The following CTDSPL2 variants were observed in gnomAD, a reference collection of about 807,000 sequenced individuals.
The protein encoded by CTDSPL2 is CTD small phosphatase like 2, also known as CTD small phosphatase-like protein 2.
CTDSPL2 carries 5 observed loss-of-function variants against 60.0 expected under a neutral mutation model. That is an observed-to-expected ratio of 0.08 (90% CI 0.04 to 0.18). The LOEUF (loss-of-function observed/expected upper bound fraction) is 0.18. Among genes scored for constraint, CTDSPL2 ranks in the 10% least tolerant of loss-of-function variants. The probability of loss-of-function intolerance (pLI) is 1.00; values close to 1 mark genes in which losing one functional copy is unlikely to be tolerated. For synonymous variants in CTDSPL2, 186 were observed against 189.3 expected, an observed-to-expected ratio of 0.98 and a Z score of 0.14; for missense variants, 370 against 548.8, an observed-to-expected ratio of 0.67 and a Z score of 3.26.
At chr15:44,492,055 G>A (rs2081224301) in intron 5 of CTDSPL2, among the ~76,000 whole-genome samples, 1 of 151,858 alleles carries the variant, frequency 6.6e-6, no homozygotes, top group Non-Finnish European at 1.5e-5. Context: ...TTTTAGTAGA[G>A]ACCAGGTTTC....
At chr15:44,475,854 C>A (rs1265312287) in intron 2 of CTDSPL2, among the ~76,000 whole-genome samples, 1 of 152,044 alleles carries the variant, frequency 6.6e-6, no homozygotes, top group Non-Finnish European at 1.5e-5. Context: ...AGTAAGACAA[C>A]CTTATGCAGC....
chr15:44,464,417 A>G (rs1005991160), intron 2 of CTDSPL2, among the ~76,000 whole-genome samples: 1 of 152,180 alleles, frequency 6.6e-6, no homozygotes, highest in Non-Finnish European at 1.5e-5. Context: ...ACTGTATACT[A>G]CTGCATCTCC....
chr15:44,526,828 CT>C lies in CTDSPL2; in HGVS notation c.*2655del. On this transcript the variant is annotated 3_prime_UTR_variant, in exon 13 of 13. Transcript: ENST00000260327. ...GAAACATGAACTCTTAAAAAACTGA[CT>C]AGTAAATGCAGGAGAGGTGGATACC... 6.6e-6 allele frequency: 1 copy of C among 152,548 alleles called. No homozygotes were observed. Among genetic ancestry groups the C allele is most frequent in the South Asian group, 2.1e-4 (1 of 4,830 alleles). 9.4% of individuals were successfully genotyped at this position (152,548 alleles called of 1,614,324 possible). A position where few individuals can be genotyped will look rare whatever the true frequency, so the allele number is the denominator to read the frequency against.
chr15:44,431,518 C>T (rs1174513036), intron 1 of CTDSPL2, among the ~76,000 whole-genome samples: 1 of 152,168 alleles, frequency 6.6e-6, no homozygotes, highest in African/African-American at 2.4e-5. Context: ...TTATTTATAT[C>T]TCTCCAGTGT....
At chr15:44,477,922 A>AT in intron 2 of CTDSPL2, among the ~76,000 whole-genome samples, 1 of 151,870 alleles carries the variant, frequency 6.6e-6, no homozygotes, top group East Asian at 1.9e-4. Context: ...CGCATTTAGG[A>AT]TTTTATCTGG....
chr15:44,470,319 C>T (rs1372987898), intron 2 of CTDSPL2: 1 of 151,900 alleles, frequency 6.6e-6, no homozygotes, highest in African/African-American at 2.4e-5. Context: ...ATCTCATTAT[C>T]TCAAGTGATA....
chr15:44,466,127 G>A (rs1299095623), intron 2 of CTDSPL2, among the ~76,000 whole-genome samples: 5 of 151,786 alleles, frequency 3.3e-5, no homozygotes, highest in Non-Finnish European at 7.4e-5. Context: ...AGTAGAGACG[G>A]GGTTTCACCA....
At chr15:44,520,871 A>G (rs1164185084) in intron 11 of CTDSPL2, 1 of 152,342 alleles carries the variant, frequency 6.6e-6, no homozygotes, top group African/African-American at 2.4e-5. Context: ...TGGGAATAGA[A>G]TAATGAATGG....
intron 8 of CTDSPL2, among the ~76,000 whole-genome samples, chr15:44,508,094 T>C (rs1376708660): frequency 6.6e-6 from 1 of 151,986 alleles, no homozygotes; most frequent in Admixed American, 6.6e-5. Context: ...TTTTCTTTTT[T>C]TTTTTGGAGA....
chr15:44,501,337 T>G (rs898540632), intron 8 of CTDSPL2, among the ~76,000 whole-genome samples: 2 of 152,088 alleles, frequency 1.3e-5, no homozygotes, highest in Admixed American at 6.5e-5. Context: ...TTACAGATGG[T>G]TTTTGTTCTG....
At chr15:44,501,424 CA>C (rs1422798696) in intron 8 of CTDSPL2, among the ~76,000 whole-genome samples, 3 of 152,022 alleles carry the variant, frequency 2.0e-5, no homozygotes. Context: ...CGTTTCTCTT[CA>C]GTATGATCAT....
chr15:44,444,072 A>C (rs573825438), intron 1 of CTDSPL2, among the ~76,000 whole-genome samples: 8 of 151,376 alleles, frequency 5.3e-5, no homozygotes, highest in African/African-American at 1.9e-4. Context: ...TGCCTGGCTA[A>C]TTTTTTTAGT....
At position 44,494,114 on chromosome 15, in the gene CTDSPL2, C is replaced by T. The variant is rs930196927; in HGVS notation, c.692-2266C>T. 3.9e-5 allele frequency among the ~76,000 whole-genome samples: 6 copies of T among 152,020 alleles called. No individual in the cohort carries two copies. In the East Asian group the frequency reaches 5.8e-4, roughly 15 times the overall value. The stretch of plus-strand genomic sequence containing the variant: ...CTACTTTAAATTTTTATATCTGAGA[C>T]GTTACCTATTTGGCTTGTAAGTTAC... On this transcript the variant is annotated intron_variant, in intron 5 of 12. Coordinates refer to ENST00000260327, the MANE Select transcript of CTDSPL2 (RefSeq NM_016396.3).
At chr15:44,514,450 T>C (rs961163) in intron 8 of CTDSPL2, 148 bp from the exon 9 acceptor site, 17,228 of 605,040 alleles carry the variant, frequency 0.028, 333 homozygotes, top group East Asian at 0.062. Flanking sequence ...TGAAATATAC[T>C]TGGTTTGAGT....
At chr15:44,476,546 C>G (rs2080920018) in intron 2 of CTDSPL2, among the ~76,000 whole-genome samples, 1 of 152,170 alleles carries the variant, frequency 6.6e-6, no homozygotes, top group African/African-American at 2.4e-5. Flanking sequence ...ATGTTTAGGT[C>G]AGCATGGACC....
intron 1 of CTDSPL2, among the ~76,000 whole-genome samples, chr15:44,456,866 C>G (rs28830810): frequency 4.0e-5 from 4 of 99,708 alleles, no homozygotes; most frequent in African/African-American, 1.2e-4. Context: ...TTTTTTTTTT[C>G]TTTTTTTTTT....
At chr15:44,491,088 T>C in intron 5 of CTDSPL2, 89 bp downstream of exon 5, 1 of 909,072 alleles carries the variant, frequency 1.1e-6, no homozygotes, top group African/African-American at 1.7e-5. Context: ...GAGCACATTA[T>C]ATGCATAGGT....
At chr15:44,481,458 C>T (rs543439796) in intron 2 of CTDSPL2, among the ~76,000 whole-genome samples, 1 of 152,234 alleles carries the variant, frequency 6.6e-6, no homozygotes, top group South Asian at 2.1e-4. Flanking sequence ...AGATGATTTT[C>T]TTCTAAACCA....
chr15:44,514,715 C>A, intron 9 of CTDSPL2, 50 bp from the exon 10 acceptor site: 1 of 1,505,954 alleles, frequency 6.6e-7, no homozygotes, highest in Non-Finnish European at 9.2e-7. Flanking sequence ...AATATAGTAC[C>A]CATATTTAGA....
Sources: gnomAD v4.1 joint callset for allele counts (sites outside exome capture counted in the v4.1 genomes callset) on GRCh38, gnomAD v4.1.1 for gene constraint, MANE v1.5 for transcripts, NCBI Gene and HGNC (gene_info 2026-07-23, HGNC 2026-07-21) for gene names.